TNS3: variants seen among roughly 807,000 people sequenced by gnomAD.
TNS3 encodes the protein tensin 3.
Under a neutral mutation model 140.9 loss-of-function variants are expected in TNS3, and 45 were observed. The ratio of observed to expected loss-of-function variants is 0.32; its 90% CI spans 0.25 to 0.41. The LOEUF (loss-of-function observed/expected upper bound fraction) is 0.41, where lower values mean the gene tolerates loss of function less well. Ranked by LOEUF, TNS3 falls within the 10% of genes least tolerant of loss-of-function variation. The pLI is 1.00. For synonymous variants in TNS3, 815 were observed against 788.4 expected (o/e 1.03, Z -0.56); for missense variants, 1,716 against 1,906.7 (o/e 0.90, Z 1.86).
chr7:47,549,666 C>A (rs959921076), intron 1 of TNS3, among the ~76,000 whole-genome samples: 6 of 152,068 alleles, frequency 3.9e-5, no homozygotes, highest in Non-Finnish European at 8.8e-5. Context: ...GCCTCTCCTG[C>A]ATGAGGCCCT....
At chr7:47,424,072 T>A in intron 10 of TNS3, 29 bp downstream of exon 10, 1 of 1,609,112 alleles carries the variant, frequency 6.2e-7, no homozygotes, top group Middle Eastern at 1.7e-4. Flanking sequence ...ATTCACCTCT[T>A]CACTCTGGCT....
chr7:47,346,817 A>C (rs565610577), intron 17 of TNS3, among the ~76,000 whole-genome samples: 2 of 152,320 alleles, frequency 1.3e-5, no homozygotes, highest in East Asian at 1.9e-4. Flanking sequence ...CGACTATGAT[A>C]ATTTGAATCT....
At chr7:47,434,808 C>T (rs1414531496) in intron 8 of TNS3, among the ~76,000 whole-genome samples, 1 of 152,222 alleles carries the variant, frequency 6.6e-6, no homozygotes, top group Non-Finnish European at 1.5e-5. Context: ...CATGTCTGCA[C>T]TGCAATGGCT....
intron 26 of TNS3, among the ~76,000 whole-genome samples, 174 bp downstream of exon 26, chr7:47,292,654 T>C (rs1316985138): frequency 6.6e-6 from 1 of 152,226 alleles, no homozygotes; most frequent in Non-Finnish European, 1.5e-5. Context: ...GAATCTCCTC[T>C]TCTCTCCTTA....
intron 16 of TNS3, 123 bp downstream of exon 16, chr7:47,396,677 C>T: frequency 1.3e-6 from 1 of 777,528 alleles, no homozygotes; most frequent in South Asian, 1.6e-5. Flanking sequence ...TGATTCTGGA[C>T]CTCTGAGAAA....
chr7:47,552,470 C>T (rs1240702637), intron 1 of TNS3, among the ~76,000 whole-genome samples: 1 of 152,120 alleles, frequency 6.6e-6, no homozygotes, highest in Admixed American at 6.5e-5. Context: ...TGCCATTTTC[C>T]CAAAAGCATG....
intron 5 of TNS3, among the ~76,000 whole-genome samples, chr7:47,440,247 G>A (rs987744764): frequency 1.3e-5 from 2 of 152,286 alleles, no homozygotes; most frequent in Non-Finnish European, 2.9e-5. Flanking sequence ...GGCCCAAGAA[G>A]GAGGCAGGAC....
At chr7:47,288,225 C>T (rs1346666727) in intron 27 of TNS3, among the ~76,000 whole-genome samples, 5 of 152,130 alleles carry the variant, frequency 3.3e-5, no homozygotes, top group African/African-American at 1.2e-4. Flanking sequence ...CTAGATCTAC[C>T]ATTCAGGAGC....
intron 17 of TNS3, among the ~76,000 whole-genome samples, chr7:47,356,547 TG>T (rs1224532055): frequency 1.3e-5 from 2 of 152,186 alleles, no homozygotes; most frequent in Non-Finnish European, 2.9e-5. Flanking sequence ...CAAGACAAAG[TG>T]TCCAACCTCT....
Position 47,280,011 on chromosome 7 carries a change from T to C in TNS3, c.4193+153A>G, listed in dbSNP as rs186312347. On this transcript the variant is annotated intron_variant, in intron 30 of 30. Coordinates refer to ENST00000311160, the MANE Select transcript of TNS3 (RefSeq NM_022748.12). Reference sequence around the variant, plus strand: ...ACAGCATCCAGATCCTTGTCCATAATGAGAACACTTTTACTTTTTTCTTTT... The same window carrying C: ...ACAGCATCCAGATCCTTGTCCATAACGAGAACACTTTTACTTTTTTCTTTT... 249 of 879,978 alleles carry C rather than the reference T, an allele frequency of 2.8e-4. No individual in the cohort carries two copies. The African/African-American group carries it at 3.9e-3, about 14-fold the overall frequency. The allele number at this position is 879,978 out of a possible 1,614,324, so 54.5% of individuals were successfully genotyped here.
chr7:47,451,134 A>C (rs369453700), intron 4 of TNS3, among the ~76,000 whole-genome samples: 54 of 151,782 alleles, frequency 3.6e-4, no homozygotes, highest in African/African-American at 1.3e-3. Context: ...AAATAAGAAA[A>C]AGCAGCCCTT....
chr7:47,504,792 G>C (rs1798354844), intron 3 of TNS3, among the ~76,000 whole-genome samples: 1 of 152,088 alleles, frequency 6.6e-6, no homozygotes, highest in African/African-American at 2.4e-5. Context: ...GGAATGAGAA[G>C]GTGCTTTGTT....
chr7:47,280,769 C>T (rs1377396746), intron 28 of TNS3, among the ~76,000 whole-genome samples: 6 of 152,082 alleles, frequency 3.9e-5, no homozygotes, highest in Non-Finnish European at 5.9e-5. Flanking sequence ...AAAAATTAGT[C>T]GGGTGTGGTG....
intron 20 of TNS3, among the ~76,000 whole-genome samples, chr7:47,342,642 C>T (rs997345146): frequency 1.3e-5 from 2 of 152,332 alleles, no homozygotes; most frequent in East Asian, 1.9e-4. Context: ...GTGGAGTCGG[C>T]TGATGGAGCT....
At chr7:47,365,314 G>A (rs939180134) in intron 17 of TNS3, among the ~76,000 whole-genome samples, 30 of 152,050 alleles carry the variant, frequency 2.0e-4, no homozygotes, top group African/African-American at 7.2e-4. Flanking sequence ...GCATGGAGGT[G>A]CACGCCTGTA....
chr7:47,418,800 A>T (rs570342953), intron 10 of TNS3, among the ~76,000 whole-genome samples: 2 of 152,372 alleles, frequency 1.3e-5, no homozygotes, highest in East Asian at 3.9e-4. Context: ...AATCTCCATA[A>T]ATCTCCCTAA....
chr7:47,440,809 A>G (rs2151571631), intron 5 of TNS3, among the ~76,000 whole-genome samples: 1 of 152,348 alleles, frequency 6.6e-6, no homozygotes, highest in South Asian at 2.1e-4. Context: ...AAGTCCCTCC[A>G]AAGTGCTGCC....
intron 7 of TNS3, among the ~76,000 whole-genome samples, chr7:47,435,861 A>T (rs1795154393): frequency 6.6e-6 from 1 of 152,208 alleles, no homozygotes; most frequent in East Asian, 1.9e-4. Flanking sequence ...GGCAGCACTT[A>T]AGGAGGAAGC....
chr7:47,396,103 TC>T, intron 16 of TNS3, among the ~76,000 whole-genome samples: 1 of 152,244 alleles, frequency 6.6e-6, no homozygotes, highest in African/African-American at 2.4e-5. Context: ...CCAAAGCAAG[TC>T]TGATTCTCAA....
Sources: gnomAD v4.1 joint callset for allele counts (sites outside exome capture counted in the v4.1 genomes callset) on GRCh38, gnomAD v4.1.1 for gene constraint, MANE v1.5 for transcripts, NCBI Gene and HGNC (gene_info 2026-07-23, HGNC 2026-07-21) for gene names.